Variants in GABBR2 observed in about 807,000 individuals in gnomAD.
GABBR2 encodes the protein G-protein coupled receptor 51.
In GABBR2, 23 loss-of-function variants were observed where a neutral mutation model predicts 105.6. The ratio of observed to expected loss-of-function variants is 0.22; its 90% CI spans 0.16 to 0.31. GABBR2 has a LOEUF of 0.31. GABBR2 is among the 10% of genes least tolerant of loss of function. The probability of loss-of-function intolerance (pLI) is 1.00; values close to 1 mark genes in which losing one functional copy is unlikely to be tolerated. For missense variants in GABBR2, 734 were observed against 1,245.5 expected (o/e 0.59, Z 6.18); for synonymous variants, 478 against 499.7 (o/e 0.96, Z 0.58).
intron 1 of GABBR2, among the ~76,000 whole-genome samples, chr9:98,681,544 T>C (rs925713925): frequency 2.0e-5 from 3 of 151,544 alleles, no homozygotes; most frequent in African/African-American, 7.3e-5. Flanking sequence ...GTAACTAACC[T>C]GCACAATGTG....
intron 1 of GABBR2, among the ~76,000 whole-genome samples, chr9:98,589,879 C>T (rs1829123685): frequency 6.6e-6 from 1 of 152,022 alleles, no homozygotes; most frequent in Non-Finnish European, 1.5e-5. Flanking sequence ...CACCACCACA[C>T]TAATTTTTTA....
At chr9:98,410,342 T>G (rs768327951) in intron 7 of GABBR2, among the ~76,000 whole-genome samples, 5 of 152,040 alleles carry the variant, frequency 3.3e-5, no homozygotes, top group Non-Finnish European at 5.9e-5. Context: ...GATAACTGTC[T>G]GGTGGCTCAC....
At chr9:98,358,472 T>A (rs1479071746) in intron 13 of GABBR2, among the ~76,000 whole-genome samples, 1 of 152,218 alleles carries the variant, frequency 6.6e-6, no homozygotes, top group South Asian at 2.1e-4. Context: ...TTTGACCCTA[T>A]GAGGCCAGAC....
intron 1 of GABBR2, among the ~76,000 whole-genome samples, chr9:98,611,455 G>T (rs1410171032): frequency 9.5e-6 from 1 of 105,484 alleles, no homozygotes. Context: ...AAGTGCACCC[G>T]AGGAATGAAT....
At chr9:98,414,827 G>GT (rs1832658497) in intron 7 of GABBR2, among the ~76,000 whole-genome samples, 1 of 151,950 alleles carries the variant, frequency 6.6e-6, no homozygotes, top group African/African-American at 2.4e-5. Context: ...ATGCTTCCCC[G>GT]TTTTCCCCCC....
intron 17 of GABBR2, among the ~76,000 whole-genome samples, chr9:98,296,891 T>C (rs1564006086): frequency 6.6e-6 from 1 of 152,206 alleles, no homozygotes; most frequent in Non-Finnish European, 1.5e-5. Flanking sequence ...AAATTCTTTT[T>C]GTACCTAAAT....
At chr9:98,488,305 C>T (rs956628797) in intron 4 of GABBR2, among the ~76,000 whole-genome samples, 1 of 152,202 alleles carries the variant, frequency 6.6e-6, no homozygotes, top group Non-Finnish European at 1.5e-5. Flanking sequence ...TGTCTCCCTC[C>T]TCTCTCTGCT....
At chr9:98,512,656 T>A (rs1224010627) in intron 3 of GABBR2, among the ~76,000 whole-genome samples, 1 of 152,246 alleles carries the variant, frequency 6.6e-6, no homozygotes, top group Non-Finnish European at 1.5e-5. Context: ...CCATTCACAA[T>A]TGCTTCAAAG....
intron 13 of GABBR2, among the ~76,000 whole-genome samples, chr9:98,355,022 A>C (rs1373514118): frequency 2.0e-5 from 3 of 152,148 alleles, no homozygotes; most frequent in Non-Finnish European, 4.4e-5. Context: ...ACACTTAGAG[A>C]CAACTGCAGG....
intron 16 of GABBR2, among the ~76,000 whole-genome samples, chr9:98,301,033 C>A (rs1830460925): frequency 6.6e-6 from 1 of 152,228 alleles, no homozygotes; most frequent in African/African-American, 2.4e-5. Flanking sequence ...GGAAGCTCCA[C>A]ACCCCTTCAC....
At chr9:98,387,787 T>A (rs898810026) in intron 10 of GABBR2, among the ~76,000 whole-genome samples, 1 of 150,042 alleles carries the variant, frequency 6.7e-6, no homozygotes, top group African/African-American at 2.4e-5. Context: ...ATAAAATAAA[T>A]TAATTAAAAT....
chr9:98,573,759 T>G (rs1179740), intron 2 of GABBR2, among the ~76,000 whole-genome samples: 74,998 of 152,058 alleles, frequency 0.49, 19,047 homozygotes, highest in African/African-American at 0.61. Flanking sequence ...ACTGTTAGTC[T>G]CCTAAGAAGT....
intron 7 of GABBR2, among the ~76,000 whole-genome samples, chr9:98,450,344 TTTTTA>T (rs1225515531): frequency 5.3e-5 from 8 of 152,184 alleles, no homozygotes; most frequent in East Asian, 1.9e-4. Flanking sequence ...ACAGAGACAC[TTTTTA>T]TTTTGTCAGA....
chr9:98,702,778 G>T (rs560581304), intron 1 of GABBR2, among the ~76,000 whole-genome samples: 9 of 152,152 alleles, frequency 5.9e-5, no homozygotes, highest in Non-Finnish European at 1.3e-4. Flanking sequence ...GGTCCTATAT[G>T]ATCTTCCCTT....
chr9:98,664,800 C>T (rs749302818), intron 1 of GABBR2, among the ~76,000 whole-genome samples: 2 of 152,082 alleles, frequency 1.3e-5, no homozygotes, highest in Non-Finnish European at 2.9e-5. Context: ...TTTAGGGATC[C>T]AGAAGTCTGA....
chr9:98,410,769 A>C (rs1045672642), intron 7 of GABBR2, among the ~76,000 whole-genome samples: 2 of 152,076 alleles, frequency 1.3e-5, no homozygotes, highest in Non-Finnish European at 2.9e-5. Flanking sequence ...ATTTTTATAA[A>C]TTCCCTGGAA....
chr9:98,483,252 C>A (rs1183381993), intron 4 of GABBR2, among the ~76,000 whole-genome samples: 1 of 152,184 alleles, frequency 6.6e-6, no homozygotes, highest in African/African-American at 2.4e-5. Context: ...GTTCTGTCTG[C>A]TCACAACTAG....
intron 4 of GABBR2, among the ~76,000 whole-genome samples, chr9:98,490,822 A>G (rs35011277): frequency 0.11 from 17,403 of 152,234 alleles, 1,147 homozygotes; most frequent in South Asian, 0.16. Context: ...CCCCGCCTGG[A>G]AACAGCTAAA....
chr9:98,398,909 T>C (rs948276010), intron 8 of GABBR2, among the ~76,000 whole-genome samples: 1 of 152,188 alleles, frequency 6.6e-6, no homozygotes, highest in Admixed American at 6.5e-5. Flanking sequence ...TGGGGTACAG[T>C]AACTGCCAGG....
Sources: allele counts gnomAD v4.1 joint callset (sites outside exome capture counted in the v4.1 genomes callset), GRCh38; gene constraint gnomAD v4.1.1; transcripts MANE v1.5; gene names NCBI Gene and HGNC (gene_info 2026-07-23, HGNC 2026-07-21).